The following CHRM3 variants were observed in gnomAD, a reference collection of about 807,000 sequenced individuals.
CHRM3 encodes muscarinic acetylcholine receptor M3.
A neutral mutation model predicts 41.8 loss-of-function variants in CHRM3; 11 were observed. That is an observed-to-expected ratio of 0.26 (90% CI 0.17 to 0.44). CHRM3 has a LOEUF of 0.44. Ranked by LOEUF, CHRM3 falls within the 20% of genes least tolerant of loss-of-function variation. CHRM3 has a pLI of 1.00. For synonymous variants in CHRM3, 297 were observed against 301.4 expected (o/e 0.99, Z 0.15); for missense variants, 571 against 745.4 (o/e 0.77, Z 2.72).
At chr1:239,793,378 C>A (rs1461318573) in intron 5 of CHRM3, among the ~76,000 whole-genome samples, 1 of 152,164 alleles carries the variant, frequency 6.6e-6, no homozygotes, top group Non-Finnish European at 1.5e-5. Context: ...GACCAGTGGG[C>A]CTACCTTTGA....
chr1:239,870,745 C>CA (rs1174947138), intron 6 of CHRM3, among the ~76,000 whole-genome samples: 5 of 152,278 alleles, frequency 3.3e-5, no homozygotes, highest in Admixed American at 6.5e-5. Context: ...TAAAATCTGT[C>CA]AAAAACAGAA....
chr1:239,885,648 T>C (rs1678006302), intron 6 of CHRM3, among the ~76,000 whole-genome samples: 1 of 152,150 alleles, frequency 6.6e-6, no homozygotes, highest in Non-Finnish European at 1.5e-5. Context: ...CAGCGACGCA[T>C]TCATTGTGTT....
intron 6 of CHRM3, among the ~76,000 whole-genome samples, chr1:239,905,817 T>C (rs1679927386): frequency 6.6e-6 from 1 of 152,232 alleles, no homozygotes; most frequent in South Asian, 2.1e-4. Flanking sequence ...AATTTAGCTC[T>C]GAGCATCCTG....
intron 5 of CHRM3, among the ~76,000 whole-genome samples, chr1:239,762,041 G>T (rs953408302): frequency 6.6e-6 from 1 of 152,062 alleles, no homozygotes; most frequent in Non-Finnish European, 1.5e-5. Context: ...CCCTTTTCTT[G>T]GAGATCACTG....
At chr1:239,446,276 A>C (rs1664150545) in intron 1 of CHRM3, among the ~76,000 whole-genome samples, 2 of 152,232 alleles carry the variant, frequency 1.3e-5, no homozygotes, top group African/African-American at 4.8e-5. Context: ...GAAATAACAA[A>C]GACAAACAGA....
At chr1:239,741,077 A>C (rs1378877027) in intron 5 of CHRM3, among the ~76,000 whole-genome samples, 1 of 152,118 alleles carries the variant, frequency 6.6e-6, no homozygotes, top group East Asian at 1.9e-4. Context: ...TCCCATTGTT[A>C]GGTTCATGGC....
At chr1:239,423,617 A>C (rs1662127429) in intron 1 of CHRM3, among the ~76,000 whole-genome samples, 1 of 152,212 alleles carries the variant, frequency 6.6e-6, no homozygotes. Context: ...ACTAAAATTT[A>C]GGAGTCAGAA....
chr1:239,425,971 C>T (rs1662335832), intron 1 of CHRM3, among the ~76,000 whole-genome samples: 1 of 151,898 alleles, frequency 6.6e-6, no homozygotes, highest in South Asian at 2.1e-4. Flanking sequence ...TCTTTTTTTT[C>T]CAGTAAGGCT....
intron 2 of CHRM3, among the ~76,000 whole-genome samples, chr1:239,532,819 C>T (rs557171947): frequency 6.6e-6 from 1 of 152,072 alleles, no homozygotes; most frequent in Non-Finnish European, 1.5e-5. Flanking sequence ...TGCATAATCA[C>T]CTCTAAGGAA....
intron 5 of CHRM3, among the ~76,000 whole-genome samples, chr1:239,767,204 A>T (rs1005002885): frequency 1.3e-5 from 2 of 152,138 alleles, no homozygotes; most frequent in Admixed American, 6.5e-5. Context: ...GATTTTTTTT[A>T]AGTAAATGGA....
chr1:239,794,176 G>A (rs1001539582), intron 5 of CHRM3, among the ~76,000 whole-genome samples: 1 of 152,090 alleles, frequency 6.6e-6, no homozygotes, highest in South Asian at 2.1e-4. Flanking sequence ...TTTGAGTAGA[G>A]AGTATAGAGA....
intron 5 of CHRM3, among the ~76,000 whole-genome samples, chr1:239,755,360 T>G (rs1208600110): frequency 6.6e-6 from 1 of 152,170 alleles, no homozygotes; most frequent in African/African-American, 2.4e-5. Flanking sequence ...ACTGTAAACC[T>G]CAAATATCTA....
chr1:239,567,202 G>A lies in CHRM3; in HGVS notation c.-313+21453G>A, dbSNP rs186028944. Among the ~76,000 whole-genome samples, 355 of 151,850 alleles carry A rather than the reference G, an allele frequency of 2.3e-3. 1 individual carries two copies. Among genetic ancestry groups the A allele is most frequent in the Admixed American group, 3.7e-3 (56 of 15,236 alleles). ...CTCATTAAAACTGGTAAGCTGGTGC[G>A]GTGGCATGCACCTGAATGTCCCAGC... On this transcript the variant is annotated intron_variant, in intron 3 of 6. Coordinates refer to ENST00000676153, the MANE Select transcript of CHRM3 (RefSeq NM_001375978.1).
intron 5 of CHRM3, among the ~76,000 whole-genome samples, chr1:239,766,775 G>A (rs748346608): frequency 2.0e-5 from 3 of 152,066 alleles, no homozygotes; most frequent in Non-Finnish European, 2.9e-5. Flanking sequence ...GCAGTGGTGC[G>A]ATCTGGGCTC....
At chr1:239,880,497 T>C (rs1269939051) in intron 6 of CHRM3, among the ~76,000 whole-genome samples, 11 of 152,194 alleles carry the variant, frequency 7.2e-5, no homozygotes, top group Non-Finnish European at 1.6e-4. Flanking sequence ...TGTGGAGGTT[T>C]GTTTGGTTTT....
Position 239,915,241 on chromosome 1 carries a change from C to T in CHRM3, c.*6017C>T, listed in dbSNP as rs776205068. On this transcript the variant is annotated 3_prime_UTR_variant, in exon 7 of 7. Coordinates refer to ENST00000676153, the MANE Select transcript of CHRM3 (RefSeq NM_001375978.1). Reference sequence around the variant, plus strand: ...TCTAAAACAGTGTCCACATCTTTGCCAAAGGCACTGAATTTTACCTTTTTT... The same window carrying T: ...TCTAAAACAGTGTCCACATCTTTGCTAAAGGCACTGAATTTTACCTTTTTT... The T allele has an allele frequency of 6.0e-6, 1 of 167,108 alleles. No individual in the cohort carries two copies. Among genetic ancestry groups the T allele is most frequent in the Non-Finnish European group, 1.5e-5 (1 of 68,114 alleles). The allele number at this position is 167,108 out of a possible 1,614,324, so 10.4% of individuals were successfully genotyped here.
chr1:239,891,176 G>T (rs1462784489), intron 6 of CHRM3, among the ~76,000 whole-genome samples: 1 of 152,124 alleles, frequency 6.6e-6, no homozygotes, highest in Non-Finnish European at 1.5e-5. Context: ...ACTTATCAGG[G>T]CAAGGGACCT....
At chr1:239,525,390 G>A (rs1466411179) in intron 2 of CHRM3, among the ~76,000 whole-genome samples, 1 of 152,144 alleles carries the variant, frequency 6.6e-6, no homozygotes, top group East Asian at 1.9e-4. Context: ...ATGACATCAT[G>A]TTGCTGTATC....
At chr1:239,725,402 G>A (rs1572104965) in intron 5 of CHRM3, among the ~76,000 whole-genome samples, 2 of 151,980 alleles carry the variant, frequency 1.3e-5, no homozygotes, top group African/African-American at 4.8e-5. Context: ...CCTGAAAATC[G>A]ATGAAAAGAT....
Sources: gnomAD v4.1 joint callset for allele counts (sites outside exome capture counted in the v4.1 genomes callset) on GRCh38, gnomAD v4.1.1 for gene constraint, MANE v1.5 for transcripts, NCBI Gene and HGNC (gene_info 2026-07-23, HGNC 2026-07-21) for gene names.